CCDC171: variants seen among roughly 807,000 people sequenced by gnomAD.
CCDC171 encodes the protein coiled-coil domain containing 171, also known as coiled-coil domain-containing protein 171.
A neutral mutation model predicts 168.2 loss-of-function variants in CCDC171; 177 were observed. The observed-to-expected ratio is 1.05, with a 90% confidence interval of 0.93 to 1.19. The LOEUF (loss-of-function observed/expected upper bound fraction) is 1.19, where lower values mean the gene tolerates loss of function less well. CCDC171 is among the 50% of genes most tolerant of loss of function. The pLI, the probability that CCDC171 is intolerant of heterozygous loss-of-function variation, is 0.00. For missense variants in CCDC171, 1,991 were observed against 1,539.0 expected, an observed-to-expected ratio of 1.29 and a Z score of -4.91; for synonymous variants, 687 against 540.8, an observed-to-expected ratio of 1.27 and a Z score of -3.75.
At chr9:15,991,155 A>T (rs1350782387) in intron 3 of CCDC171, among the ~76,000 whole-genome samples, 1 of 152,192 alleles carries the variant, frequency 6.6e-6, no homozygotes, top group Non-Finnish European at 1.5e-5. Flanking sequence ...ACTTATTCCA[A>T]AATTGACCAC....
intron 7 of CCDC171, among the ~76,000 whole-genome samples, chr9:15,653,854 C>G (rs1338298064): frequency 2.6e-5 from 4 of 151,962 alleles, no homozygotes; most frequent in African/African-American, 7.2e-5. Flanking sequence ...TGGCCCCAAG[C>G]AGTCCTCTCA....
intron 18 of CCDC171, among the ~76,000 whole-genome samples, chr9:15,763,143 C>G (rs1157083297): frequency 6.6e-6 from 1 of 152,142 alleles, no homozygotes; most frequent in Non-Finnish European, 1.5e-5. Context: ...TAGAATCAGC[C>G]AAAGGAAGAG....
intron 3 of CCDC171, among the ~76,000 whole-genome samples, chr9:15,999,318 AAAAG>A (rs1832468379): frequency 6.7e-6 from 1 of 150,254 alleles, no homozygotes. Context: ...AAAAAGAAAG[AAAAG>A]AAAAGAAGGA....
At chr9:15,905,948 A>G (rs1822526687) in intron 24 of CCDC171, among the ~76,000 whole-genome samples, 1 of 152,234 alleles carries the variant, frequency 6.6e-6, no homozygotes, top group South Asian at 2.1e-4. Context: ...TCCTGGACAC[A>G]TACACCCTCC....
At chr9:15,690,060 A>C (rs776983133) in intron 10 of CCDC171, among the ~76,000 whole-genome samples, 1 of 152,164 alleles carries the variant, frequency 6.6e-6, no homozygotes, top group Non-Finnish European at 1.5e-5. Flanking sequence ...CTCCATCTCA[A>C]AACAACAAAA....
chr9:15,750,831 G>T (rs912863725), intron 18 of CCDC171, among the ~76,000 whole-genome samples: 1 of 152,136 alleles, frequency 6.6e-6, no homozygotes, highest in African/African-American at 2.4e-5. Flanking sequence ...CATACTGAAT[G>T]GGCAAAAGCT....
chr9:15,782,306 C>T (rs1323253553), intron 20 of CCDC171, among the ~76,000 whole-genome samples: 1 of 152,180 alleles, frequency 6.6e-6, no homozygotes, highest in African/African-American at 2.4e-5. Flanking sequence ...CTAACTTCCC[C>T]AGTCTCATGA....
intron 3 of CCDC171, among the ~76,000 whole-genome samples, chr9:15,993,691 C>T (rs1413368766): frequency 6.6e-6 from 1 of 152,148 alleles, no homozygotes; most frequent in Non-Finnish European, 1.5e-5. Flanking sequence ...TTGCAATCTA[C>T]TCATCTGACA....
At chr9:15,796,551 T>C (rs972787145) in intron 21 of CCDC171, among the ~76,000 whole-genome samples, 2 of 152,218 alleles carry the variant, frequency 1.3e-5, no homozygotes, top group African/African-American at 4.8e-5. Context: ...CAATATAATG[T>C]ACACTTAAAA....
At chr9:16,046,247 C>T (rs545696027) in intron 1 of CCDC171, among the ~76,000 whole-genome samples, 6 of 152,136 alleles carry the variant, frequency 3.9e-5, no homozygotes, top group South Asian at 2.1e-4. Context: ...AGAAACCAAT[C>T]GAGAAGTAAA....
chr9:15,905,901 G>A (rs902617880), intron 24 of CCDC171, among the ~76,000 whole-genome samples: 2 of 152,252 alleles, frequency 1.3e-5, no homozygotes, highest in South Asian at 2.1e-4. Flanking sequence ...ACACCTCTAC[G>A]CAAATAAACT....
intron 7 of CCDC171, among the ~76,000 whole-genome samples, chr9:15,625,255 A>C (rs1340262384): frequency 1.3e-5 from 2 of 152,170 alleles, no homozygotes; most frequent in Non-Finnish European, 2.9e-5. Context: ...ATTTTCTCCC[A>C]TTCTATAGAT....
intron 6 of CCDC171, among the ~76,000 whole-genome samples, chr9:15,605,025 A>G (rs1399131234): frequency 2.0e-5 from 3 of 152,002 alleles, no homozygotes; most frequent in Non-Finnish European, 4.4e-5. Context: ...CCTCCTTTGT[A>G]TCTGGGACCA....
intron 21 of CCDC171, among the ~76,000 whole-genome samples, chr9:15,806,086 G>C (rs1036269029): frequency 3.3e-5 from 5 of 152,004 alleles, no homozygotes; most frequent in African/African-American, 1.2e-4. Context: ...CATTTGCTTG[G>C]TAAACGTTTC....
intron 1 of CCDC171, among the ~76,000 whole-genome samples, chr9:15,557,554 A>G (rs1344960903): frequency 1.3e-5 from 2 of 152,148 alleles, no homozygotes; most frequent in Non-Finnish European, 2.9e-5. Flanking sequence ...TTATTGGTGT[A>G]TAAGAATGCT....
Position 15,678,903 on chromosome 9 carries a change from A to G in CCDC171, c.1215+7A>G. The G allele has an allele frequency of 6.4e-7, 1 of 1,569,234 alleles. No homozygotes were observed. Among genetic ancestry groups the G allele is most frequent in the Non-Finnish European group, 8.6e-7 (1 of 1,162,752 alleles). On this transcript the variant is annotated splice_region_variant and intron_variant, in intron 10 of 25. Coordinates refer to ENST00000380701, the MANE Select transcript of CCDC171 (RefSeq NM_173550.4). ...ACAGGAAGAACTAGTAATGGTAAGG[A>G]TAAAAAAGAAAACCCTATGGAAATC...
rs1819358484 is a variant in CCDC171 at position 15,886,076 on chromosome 9, CA to C, written c.3600+11417del. 2.0e-5 allele frequency: 3 copies of C among 152,086 alleles called. No homozygotes were observed. In the South Asian group the frequency reaches 6.2e-4, roughly 32 times the overall value. 9.4% of individuals were successfully genotyped at this position (152,086 alleles called of 1,614,324 possible). A position where few individuals can be genotyped will look rare whatever the true frequency, so the allele number is the denominator to read the frequency against. ...ATATTTTATTTAGGATATCCACATG[CA>C]AAAGAATGAAATTGGACCTTGGTCT... On this transcript the variant is annotated intron_variant, in intron 24 of 25. Coordinates refer to ENST00000380701, the MANE Select transcript of CCDC171 (RefSeq NM_173550.4).
rs950422401 is a variant in CCDC171 at position 15,581,427 on chromosome 9, C to G, written c.352+2404C>G. Reference sequence around the variant, plus strand: ...GCTTTCTTCACAGAACTGGAAAAAACTACTTTAAAGTTCATATGGAACCAA... The same window carrying G: ...GCTTTCTTCACAGAACTGGAAAAAAGTACTTTAAAGTTCATATGGAACCAA... On this transcript the variant is annotated intron_variant, in intron 4 of 25. Coordinates refer to ENST00000380701, the MANE Select transcript of CCDC171 (RefSeq NM_173550.4). 5.1e-4 allele frequency among the ~76,000 whole-genome samples: 77 copies of G among 152,290 alleles called. 2 individuals are homozygous for G. The highest frequency in any genetic ancestry group is 5.0e-3 in the Admixed American group (77 of 15,288).
At chr9:15,985,313 T>C (rs1315340869) in intron 3 of CCDC171, among the ~76,000 whole-genome samples, 2 of 152,166 alleles carry the variant, frequency 1.3e-5, no homozygotes, top group Non-Finnish European at 2.9e-5. Context: ...AAGTGCGAGA[T>C]ACATTTGCAG....
Sources: allele counts gnomAD v4.1 joint callset (sites outside exome capture counted in the v4.1 genomes callset), GRCh38; gene constraint gnomAD v4.1.1; transcripts MANE v1.5; gene names NCBI Gene and HGNC (gene_info 2026-07-23, HGNC 2026-07-21).